ACBD6: variants seen among roughly 807,000 people sequenced by gnomAD.
The protein encoded by ACBD6 is acyl-CoA binding domain containing 6.
A neutral mutation model predicts 37.2 loss-of-function variants in ACBD6; 28 were observed. That is an observed-to-expected ratio of 0.75 (90% confidence interval 0.56 to 1.03). ACBD6 has a LOEUF of 1.03. Among genes scored for constraint, ACBD6 ranks in the 50% least tolerant of loss-of-function variants. ACBD6 has a pLI of 0.00. For synonymous variants in ACBD6, 113 were observed against 126.8 expected (o/e 0.89, Z 0.73); for missense variants, 340 against 337.4 (o/e 1.01, Z -0.06).
chr1:180,427,918 C>CAAA (rs11435254), intron 4 of ACBD6, among the ~76,000 whole-genome samples: 9 of 95,752 alleles, frequency 9.4e-5, no homozygotes, highest in African/African-American at 2.4e-4. Context: ...GACTCTGTCT[C>CAAA]AAAAAAAAAA....
At chr1:180,489,811 C>T (rs1343521549) in intron 3 of ACBD6, among the ~76,000 whole-genome samples, 1 of 151,998 alleles carries the variant, frequency 6.6e-6, no homozygotes, top group Non-Finnish European at 1.5e-5. Flanking sequence ...CACTTGCCAC[C>T]ATTGCTGGCT....
intron 6 of ACBD6, among the ~76,000 whole-genome samples, chr1:180,330,299 G>A (rs932082514): frequency 6.7e-6 from 1 of 150,110 alleles, no homozygotes; most frequent in African/African-American, 2.5e-5. Flanking sequence ...GCACACCTCT[G>A]GTCCCAGCTA....
chr1:180,272,144 G>A lies in ACBD6; in HGVS notation c.*1254-173C>T. On this transcript the variant is annotated intron_variant, in intron 13 of 13. Transcript: ENST00000642319. Reference sequence around the variant, plus strand: ...CACAGGCTTTTCCTTAAGACTTGCAGTGAAGGGTGGGGGAAATGGTAGTGG... The same window carrying A: ...CACAGGCTTTTCCTTAAGACTTGCAATGAAGGGTGGGGGAAATGGTAGTGG... The A allele has an allele frequency of 6.7e-6, 5 of 743,434 alleles. No individual in the cohort carries two copies. The South Asian group carries it at 9.7e-5, about 14-fold the overall frequency. 46.1% of individuals were successfully genotyped at this position (743,434 alleles called of 1,614,324 possible).
intron 9 of ACBD6, among the ~76,000 whole-genome samples, chr1:180,279,458 G>C (rs550092659): frequency 6.6e-6 from 1 of 152,162 alleles, no homozygotes; most frequent in Admixed American, 6.5e-5. Flanking sequence ...AAACACGCCT[G>C]GCTAATTTTT....
chr1:180,304,461 T>A (rs974060218), intron 7 of ACBD6, among the ~76,000 whole-genome samples: 2 of 150,214 alleles, frequency 1.3e-5, no homozygotes, highest in African/African-American at 4.9e-5. Flanking sequence ...TATACAACAA[T>A]AACAGACAGA....
chr1:180,419,752 T>C (rs1648275953), intron 4 of ACBD6, among the ~76,000 whole-genome samples: 1 of 152,194 alleles, frequency 6.6e-6, no homozygotes, highest in South Asian at 2.1e-4. Context: ...AAGGAAAATA[T>C]ACATTCATTA....
chr1:180,382,003 GGAGGCT>G lies in ACBD6; in HGVS notation c.663+15507_663+15512del, dbSNP rs201003397. ...GCATGCCTGTAATCCCAGCTACCAGGGAGGCTGAGGCTGAGGCAGGAAAATAGCTTG... is the reference window on the plus strand; with the variant it reads ...GCATGCCTGTAATCCCAGCTACCAGGGAGGCTGAGGCAGGAAAATAGCTTG... On this transcript the variant is annotated intron_variant, in intron 6 of 7. Coordinates refer to ENST00000367595, the MANE Select transcript of ACBD6 (RefSeq NM_032360.4). Among the ~76,000 whole-genome samples, 198 of 151,770 alleles carry G rather than the reference GGAGGCT, an allele frequency of 1.3e-3. No individual in the cohort carries two copies. In the East Asian group the frequency reaches 0.019, roughly 14 times the overall value.
chr1:180,338,041 G>C (rs1300613178), intron 6 of ACBD6, among the ~76,000 whole-genome samples: 1 of 152,106 alleles, frequency 6.6e-6, no homozygotes, highest in African/African-American at 2.4e-5. Flanking sequence ...CCAAACAATG[G>C]AAGAACATCC....
chr1:180,383,683 A>G (rs2101931102), intron 6 of ACBD6, among the ~76,000 whole-genome samples: 1 of 152,316 alleles, frequency 6.6e-6, no homozygotes, highest in South Asian at 2.1e-4. Context: ...TAAAATGTGT[A>G]TGGAACCAGA....
chr1:180,300,519 A>G (rs1014407983), intron 7 of ACBD6, among the ~76,000 whole-genome samples: 1 of 152,186 alleles, frequency 6.6e-6, no homozygotes, highest in East Asian at 1.9e-4. Flanking sequence ...TAAACTTAAA[A>G]TAGTAATTTT....
At chr1:180,425,664 G>T (rs549675949) in intron 4 of ACBD6, among the ~76,000 whole-genome samples, 1 of 152,184 alleles carries the variant, frequency 6.6e-6, no homozygotes, top group Non-Finnish European at 1.5e-5. Flanking sequence ...AAAACAGGCT[G>T]CAATGTAACA....
chr1:180,487,032 G>A (rs556105199), intron 3 of ACBD6, among the ~76,000 whole-genome samples: 177 of 152,208 alleles, frequency 1.2e-3, no homozygotes, highest in African/African-American at 4.1e-3. Flanking sequence ...AAAAAAAAAT[G>A]GCTGAGAAAC....
chr1:180,359,995 C>CT (rs1214954547), intron 6 of ACBD6, among the ~76,000 whole-genome samples: 1 of 152,062 alleles, frequency 6.6e-6, no homozygotes, highest in Non-Finnish European at 1.5e-5. Context: ...ATCAAACTTA[C>CT]TTTTTAATTT....
At chr1:180,431,630 G>A (rs1236397496) in intron 3 of ACBD6, among the ~76,000 whole-genome samples, 2 of 152,136 alleles carry the variant, frequency 1.3e-5, no homozygotes, top group Admixed American at 6.5e-5. Flanking sequence ...TGAGGAACGT[G>A]TACAAAGGGA....
intron 3 of ACBD6, among the ~76,000 whole-genome samples, chr1:180,481,021 CT>C (rs1651019689): frequency 6.6e-6 from 1 of 150,400 alleles, no homozygotes; most frequent in Admixed American, 6.6e-5. Context: ...CAGAGTGAGA[CT>C]CCGTCTCAAA....
At chr1:180,282,972 GTTT>G (rs34828086) in intron 8 of ACBD6, among the ~76,000 whole-genome samples, 4,935 of 109,916 alleles carry the variant, frequency 0.045, 65 homozygotes, top group South Asian at 0.064. Context: ...ATGTCTTTCT[GTTT>G]TTTTTTTTTT....
chr1:180,343,399 C>G (rs1440964322), intron 6 of ACBD6, among the ~76,000 whole-genome samples: 1 of 152,102 alleles, frequency 6.6e-6, no homozygotes, highest in Non-Finnish European at 1.5e-5. Flanking sequence ...GCAAGAAGTA[C>G]CCATAATCCT....
intron 3 of ACBD6, among the ~76,000 whole-genome samples, chr1:180,472,022 T>A (rs567008032): frequency 6.6e-6 from 1 of 152,364 alleles, no homozygotes; most frequent in African/African-American, 2.4e-5. Context: ...AGAAAAATGT[T>A]CCTATCTCTA....
At chr1:180,389,902 G>A (rs1450003947) in intron 6 of ACBD6, among the ~76,000 whole-genome samples, 1 of 151,936 alleles carries the variant, frequency 6.6e-6, no homozygotes, top group East Asian at 1.9e-4. Flanking sequence ...CTGGATATTA[G>A]CCCTTTGTCA....
Sources: gnomAD v4.1 joint callset for allele counts (sites outside exome capture counted in the v4.1 genomes callset) on GRCh38, gnomAD v4.1.1 for gene constraint, MANE v1.5 for transcripts, NCBI Gene and HGNC (gene_info 2026-07-23, HGNC 2026-07-21) for gene names.